The following HPGD variants were observed in gnomAD, a reference collection of about 807,000 sequenced individuals.
HPGD encodes 15-hydroxyprostaglandin dehydrogenase.
Under a neutral mutation model 30.0 loss-of-function variants are expected in HPGD, and 29 were observed. That is an observed-to-expected ratio of 0.97 (90% confidence interval 0.72 to 1.32). The LOEUF (loss-of-function observed/expected upper bound fraction) is 1.32, where lower values mean the gene tolerates loss of function less well. Among genes scored for constraint, HPGD ranks in the 40% most tolerant of loss-of-function variants. The probability of loss-of-function intolerance (pLI) is 0.00; values close to 1 mark genes in which losing one functional copy is unlikely to be tolerated. For missense variants in HPGD, 340 were observed against 322.1 expected (o/e 1.06, Z -0.43); for synonymous variants, 99 against 112.4 (o/e 0.88, Z 0.75).
chr4:174,518,014 A>T lies in HPGD; in HGVS notation c.281T>A (p.Val94Glu). 1 of 1,607,188 alleles carries T rather than the reference A, an allele frequency of 6.2e-7. No homozygotes were observed. ...TTTTTCCCAGTTTTTCTCATTATTC[A>T]CTCCAGCATTATTGACCAAAATGTC... ...RLDILVNNAG[V>E]NNEKNWEKTL... The change falls in exon 3 of 7, where the codon GTG (valine) becomes GAG (glutamate). Residue 94 changes from valine (V) to glutamate (E), a missense_variant. Coordinates refer to ENST00000296522, the MANE Select transcript of HPGD (RefSeq NM_000860.6).
rs751997121 is a variant in HPGD at position 174,493,247 on chromosome 4, G to T, written c.566C>A (p.Ala189Asp). The T allele has an allele frequency of 1.2e-6, 2 of 1,613,004 alleles. No homozygotes were observed. Among genetic ancestry groups the T allele is most frequent in the Admixed American group, 1.7e-5 (1 of 59,954 alleles). The change falls in exon 6 of 7, where the codon GCC (alanine) becomes GAC (aspartate). Residue 189 changes from alanine to aspartate, a missense_variant. By Grantham distance (126) the Ala-to-Asp change is moderately radical. Coordinates refer to ENST00000296522, the MANE Select transcript of HPGD (RefSeq NM_000860.6). The stretch of plus-strand genomic sequence containing the variant: ...TTCTTTTTCAATTGATTCAAGGATG[G>T]CTGTGTTAACAAAGCCTGGACAAAT... ...NAICPGFVNT[A>D]ILESIEKEEN...
intron 3 of HPGD, among the ~76,000 whole-genome samples, chr4:174,517,407 A>G (rs1353405697): frequency 6.6e-6 from 1 of 152,200 alleles, no homozygotes; most frequent in Non-Finnish European, 1.5e-5. Context: ...TTTTAAATAA[A>G]TAAGTCAGCG....
At chr4:174,519,350 A>G (rs902293744) in intron 2 of HPGD, among the ~76,000 whole-genome samples, 2 of 151,814 alleles carry the variant, frequency 1.3e-5, no homozygotes, top group Non-Finnish European at 2.9e-5. Context: ...AGTAGCTGGG[A>G]CTACAGGCGC....
At position 174,491,697 on chromosome 4, in the gene HPGD, T is replaced by G. The variant is rs1734351165; in HGVS notation, c.*259A>C. On this transcript the variant is annotated 3_prime_UTR_variant, in exon 7 of 7. Coordinates refer to ENST00000296522, the MANE Select transcript of HPGD (RefSeq NM_000860.6). Reference sequence around the variant, plus strand: ...TTTCTGAAAGGCAGAATATTGAATATTCCTTGAAAATCATTTGTTTTGATC... The same window carrying G: ...TTTCTGAAAGGCAGAATATTGAATAGTCCTTGAAAATCATTTGTTTTGATC... 2.4e-6 allele frequency: 1 copy of G among 422,012 alleles called. No individual in the cohort carries two copies. The highest frequency in any genetic ancestry group is 2.0e-5 in the African/African-American group (1 of 50,268). 26.1% of individuals were successfully genotyped at this position (422,012 alleles called of 1,614,324 possible).
At chr4:174,521,405 T>C (rs1230347421) in intron 2 of HPGD, among the ~76,000 whole-genome samples, 1 of 152,188 alleles carries the variant, frequency 6.6e-6, no homozygotes, top group Non-Finnish European at 1.5e-5. Context: ...TTATTATGAT[T>C]ACTATTATTA....
At chr4:174,505,639 G>C (rs772101205) in intron 4 of HPGD, among the ~76,000 whole-genome samples, 10 of 143,966 alleles carry the variant, frequency 6.9e-5, no homozygotes, top group Non-Finnish European at 1.5e-4. Context: ...AAAATACAAG[G>C]CAATTCATTT....
In HPGD at chr4:174,491,710, A is replaced by G; in HGVS notation, c.*246T>C. The G allele has an allele frequency of 2.2e-6, 1 of 447,668 alleles. No homozygotes were observed. The highest frequency in any genetic ancestry group is 4.0e-5 in the East Asian group (1 of 25,066). The allele number at this position is 447,668 out of a possible 1,614,324, so 27.7% of individuals were successfully genotyped here. ...GAATATTGAATATTCCTTGAAAATC[A>G]TTTGTTTTGATCATTTTTTAGACTA... On this transcript the variant is annotated 3_prime_UTR_variant, in exon 7 of 7. Transcript: ENST00000296522.
Position 174,492,088 on chromosome 4 carries a change from T to C in HPGD, c.669A>G (p.Pro223=), listed in dbSNP as rs1734367149. 4 of 1,611,204 alleles carry C rather than the reference T, an allele frequency of 2.5e-6. No homozygotes were observed. The highest frequency in any genetic ancestry group is 2.5e-6 in the Non-Finnish European group (3 of 1,178,022). Residue 223 remains proline (P), a synonymous_variant, in exon 7 of 7, where the codon CCA becomes CCG. Transcript: ENST00000296522. The surrounding 1 kb of genome is among the most constrained non-coding windows in gnomAD (Gnocchi z 4.9). The part of the protein sequence containing the change: ...MIKYYGILDP[P]LIANGLITLI... ...GTGTTATCAATCCATTGGCAATCAA[T>C]GGTGGGCTAAAAATAAAGAAAACAG...
chr4:174,493,514 A>G (rs922230835), intron 5 of HPGD, 200 bp from the exon 6 acceptor site: 2 of 527,214 alleles, frequency 3.8e-6, no homozygotes, highest in African/African-American at 3.8e-5. Flanking sequence ...AATCTCACCT[A>G]ATTAATTTTT....
At chr4:174,493,127 G>T in intron 6 of HPGD, 24 bp downstream of exon 6, 1 of 1,526,884 alleles carries the variant, frequency 6.5e-7, no homozygotes, top group South Asian at 1.2e-5. Context: ...TCATTTAAAA[G>T]AAAATAGACA....
chr4:174,522,234 T>G, intron 1 of HPGD, 125 bp downstream of exon 1: 1 of 1,407,846 alleles, frequency 7.1e-7, no homozygotes, highest in Non-Finnish European at 9.9e-7. Context: ...TTCAGCAAAT[T>G]TTGGAAGTGG....
At chr4:174,518,755 G>A (rs1344491321) in intron 2 of HPGD, among the ~76,000 whole-genome samples, 1 of 152,106 alleles carries the variant, frequency 6.6e-6, no homozygotes, top group Non-Finnish European at 1.5e-5. Flanking sequence ...TGTTCAAACA[G>A]GATAAAGTTG....
At chr4:174,522,884 A>C, upstream of HPGD, 3 of 159,488 alleles carry the variant, frequency 1.9e-5, no homozygotes, top group Non-Finnish European at 4.1e-5. Flanking sequence ...GAACAAAACA[A>C]GCAAACAATA....
chr4:174,521,844 G>T, intron 2 of HPGD, 100 bp downstream of exon 2: 1 of 1,374,526 alleles, frequency 7.3e-7, no homozygotes, highest in Non-Finnish European at 1.0e-6. Flanking sequence ...TCTCGAGGAG[G>T]CAGCGGAGGC....
At chr4:174,493,988 T>C (rs1011793335) in intron 5 of HPGD, among the ~76,000 whole-genome samples, 36 of 152,172 alleles carry the variant, frequency 2.4e-4, no homozygotes, top group African/African-American at 8.2e-4. Context: ...GAGTCACCGA[T>C]GTGCATGTTC....
chr4:174,510,104 G>C (rs563705249), intron 3 of HPGD, among the ~76,000 whole-genome samples: 1 of 152,048 alleles, frequency 6.6e-6, no homozygotes, highest in South Asian at 2.1e-4. Flanking sequence ...TAGGTAATGC[G>C]TCTGAAACGG....
Position 174,504,773 on chromosome 4 carries a change from A to T in HPGD, c.421+3923T>A, listed in dbSNP as rs560577052. Among the ~76,000 whole-genome samples the T allele has an allele frequency of 3.3e-5, 5 of 152,220 alleles. No individual in the cohort carries two copies. The South Asian group carries it at 1.0e-3, about 32-fold the overall frequency. ...GGTTGTAGTGAGCCGAGATCGCGCCATTGCACTCCAGCCTGGGTGACACGA... is the reference window on the plus strand; with the variant it reads ...GGTTGTAGTGAGCCGAGATCGCGCCTTTGCACTCCAGCCTGGGTGACACGA... On this transcript the variant is annotated intron_variant, in intron 4 of 6. Transcript: ENST00000296522.
rs1734420144 is a variant in HPGD at position 174,493,133 on chromosome 4, A to G, written c.662+18T>C. ...TTTGCTTCATCATTTAAAAGAAAAT[A>G]GACATAGTTTTACTTACTCCAAAAT... On this transcript the variant is annotated intron_variant, in intron 6 of 6. Coordinates refer to ENST00000296522, the MANE Select transcript of HPGD (RefSeq NM_000860.6). 2 of 1,539,578 alleles carry G rather than the reference A, an allele frequency of 1.3e-6. No individual in the cohort carries two copies. The highest frequency in any genetic ancestry group is 1.8e-6 in the Non-Finnish European group (2 of 1,121,628).
chr4:174,516,253 A>T (rs1735764697), intron 3 of HPGD, among the ~76,000 whole-genome samples: 1 of 152,162 alleles, frequency 6.6e-6, no homozygotes, highest in South Asian at 2.1e-4. Context: ...ATGCCCATCA[A>T]CGGGGGACTG....
Sources: allele counts gnomAD v4.1 joint callset (sites outside exome capture counted in the v4.1 genomes callset), GRCh38; gene constraint gnomAD v4.1.1; non-coding constraint Gnocchi (gnomAD v3.1); transcripts MANE v1.5; gene names NCBI Gene and HGNC (gene_info 2026-07-23, HGNC 2026-07-21).